Variants in MS4A4E observed in about 807,000 individuals in gnomAD.
The protein encoded by MS4A4E is putative membrane-spanning 4-domains subfamily A member 4E.
A neutral mutation model predicts 13.3 loss-of-function variants in MS4A4E; 23 were observed. That is an observed-to-expected ratio of 1.73 (90% confidence interval 1.25 to 2.45). The LOEUF is 2.45. MS4A4E is among the 30% of genes most tolerant of loss of function. The pLI is 0.00. For synonymous variants in MS4A4E, 36 were observed against 45.6 expected (o/e 0.79, Z 0.85); for missense variants, 144 against 131.2 (o/e 1.10, Z -0.48).
At chr11:60,206,456 A>C (rs7939882) in intron 6 of MS4A4E, among the ~76,000 whole-genome samples, 45,549 of 109,266 alleles carry the variant, frequency 0.42, 9,392 homozygotes, top group South Asian at 0.6. Flanking sequence ...CAAAATTTTG[A>C]ATATATACAC....
intron 3 of MS4A4E, among the ~76,000 whole-genome samples, chr11:60,219,831 A>T (rs1247341384): frequency 6.6e-6 from 1 of 152,214 alleles, no homozygotes; most frequent in African/African-American, 2.4e-5. Flanking sequence ...CCAAAAAGTC[A>T]TTGTGATCCT....
intron 6 of MS4A4E, among the ~76,000 whole-genome samples, chr11:60,207,245 G>C (rs1022750887): frequency 6.6e-6 from 1 of 152,146 alleles, no homozygotes; most frequent in Non-Finnish European, 1.5e-5. Flanking sequence ...GGACCAGGAA[G>C]AGATAGAGAT....
chr11:60,205,401 T>C (rs1478225385), intron 7 of MS4A4E, among the ~76,000 whole-genome samples: 3 of 152,204 alleles, frequency 2.0e-5, no homozygotes, highest in Non-Finnish European at 2.9e-5. Flanking sequence ...GTAGATACTT[T>C]ACAAATATAT....
chr11:60,204,617 A>G (rs1186384258), intron 8 of MS4A4E, among the ~76,000 whole-genome samples: 1 of 152,190 alleles, frequency 6.6e-6, no homozygotes, highest in Non-Finnish European at 1.5e-5. Flanking sequence ...CCATCATGCT[A>G]CTATATGAAC....
intron 3 of MS4A4E, among the ~76,000 whole-genome samples, chr11:60,220,515 A>C (rs1057289023): frequency 2.0e-5 from 3 of 152,178 alleles, no homozygotes; most frequent in Non-Finnish European, 4.4e-5. Flanking sequence ...TTGTTCAGGG[A>C]GATCTTGATC....
chr11:60,208,117 G>A (rs950509148), intron 6 of MS4A4E, among the ~76,000 whole-genome samples: 1 of 152,170 alleles, frequency 6.6e-6, no homozygotes, highest in African/African-American at 2.4e-5. Flanking sequence ...GACCCCTTGT[G>A]ATTCCCTTCT....
chr11:60,242,688 TA>T (rs1041232553), intron 1 of MS4A4E, among the ~76,000 whole-genome samples: 5 of 152,220 alleles, frequency 3.3e-5, no homozygotes, highest in Admixed American at 6.5e-5. Context: ...CAAAAGTAAC[TA>T]AAACAACTTC....
At chr11:60,208,492 T>C (rs550152810) in intron 6 of MS4A4E, 101 bp downstream of exon 6, 38 of 353,780 alleles carry the variant, frequency 1.1e-4, no homozygotes, top group African/African-American at 7.9e-4. Flanking sequence ...GAAACTGAAA[T>C]ATAATGAATG....
intron 1 of MS4A4E, among the ~76,000 whole-genome samples, chr11:60,232,463 A>G (rs1051274143): frequency 2.0e-5 from 3 of 152,226 alleles, no homozygotes; most frequent in African/African-American, 7.2e-5. Context: ...CCTTTCTTCC[A>G]TCACCCCTTC....
intron 3 of MS4A4E, among the ~76,000 whole-genome samples, chr11:60,218,383 G>A (rs1428489801): frequency 6.6e-6 from 1 of 152,136 alleles, no homozygotes; most frequent in African/African-American, 2.4e-5. Context: ...CTTGATGTCT[G>A]TGACCCACAC....
intron 3 of MS4A4E, among the ~76,000 whole-genome samples, chr11:60,219,528 C>T (rs982893090): frequency 1.3e-5 from 2 of 152,092 alleles, no homozygotes; most frequent in African/African-American, 4.8e-5. Context: ...GTCGAGTGGA[C>T]AAAACACTAA....
chr11:60,236,791 C>A (rs1352580189), intron 1 of MS4A4E, among the ~76,000 whole-genome samples: 1 of 151,442 alleles, frequency 6.6e-6, no homozygotes, highest in Non-Finnish European at 1.5e-5. Context: ...GGCTGGAGTG[C>A]AGTGGTGTGA....
In MS4A4E at chr11:60,200,457, C is replaced by T. The variant is rs1220802247; in HGVS notation, c.*1086G>A. ...CTGCGGCCTTCCGAGGTGTTTGTGT[C>T]CCTGGGTACTTGAGATTAGGGAGTG... On this transcript the variant is annotated 3_prime_UTR_variant, in exon 9 of 9. Transcript: ENST00000651255. 1.3e-5 allele frequency among the ~76,000 whole-genome samples: 2 copies of T among 152,040 alleles called. No homozygotes were observed. Among genetic ancestry groups the T allele is most frequent in the African/African-American group, 2.4e-5 (1 of 41,382 alleles).
rs1327119788 is a variant in MS4A4E at position 60,200,676 on chromosome 11, T to G, written c.*867A>C. On this transcript the variant is annotated 3_prime_UTR_variant, in exon 9 of 9. Coordinates refer to ENST00000651255, the MANE Select transcript of MS4A4E (RefSeq NM_001393391.1). ...TTAGTACAGAACAAAATGAAAAGTC[T>G]CCCATGTCTACTTCTTTCCACACAG... Among the ~76,000 whole-genome samples, 2 of 152,194 alleles carry G rather than the reference T, an allele frequency of 1.3e-5. No individual in the cohort carries two copies. Among genetic ancestry groups the G allele is most frequent in the Non-Finnish European group, 2.9e-5 (2 of 68,036 alleles).
chr11:60,208,245 T>C (rs2084072751), intron 6 of MS4A4E, among the ~76,000 whole-genome samples: 1 of 152,216 alleles, frequency 6.6e-6, no homozygotes, highest in Non-Finnish European at 1.5e-5. Flanking sequence ...CACCTCTTCA[T>C]GTGAATGCTT....
Position 60,201,565 on chromosome 11 carries a change from G to T in MS4A4E, c.974C>A (p.Ser325Tyr), listed in dbSNP as rs1395954252. Residue 325 changes from serine (S) to tyrosine (Y), a missense_variant, in exon 9 of 9, where the codon TCC becomes TAC. Transcript: ENST00000651255. ...HHPIWEVRSV[S>Y]ARPPIF ...ATCTCAGAAGATGGGCGGCCGGGCG[G>T]AGACACTCCTCACCTCCCAGATGGG... The T allele has an allele frequency of 3.1e-6, 1 of 322,174 alleles. No homozygotes were observed. The highest frequency in any genetic ancestry group is 2.2e-5 in the South Asian group (1 of 45,440). 20.0% of individuals were successfully genotyped at this position (322,174 alleles called of 1,614,324 possible). A position where few individuals can be genotyped will look rare whatever the true frequency, so the allele number is the denominator to read the frequency against.
intron 3 of MS4A4E, among the ~76,000 whole-genome samples, chr11:60,226,500 G>A (rs779101747): frequency 1.8e-4 from 28 of 152,114 alleles, no homozygotes; most frequent in Non-Finnish European, 3.7e-4. Context: ...ATCAATGAAT[G>A]TAACTAATGA....
intron 1 of MS4A4E, among the ~76,000 whole-genome samples, chr11:60,231,079 A>T (rs1278238322): frequency 6.6e-6 from 1 of 152,200 alleles, no homozygotes; most frequent in Non-Finnish European, 1.5e-5. Flanking sequence ...TCTCTGATAG[A>T]TCAATGAAAA....
chr11:60,224,891 T>G (rs141414121), intron 3 of MS4A4E: 30 of 1,239,012 alleles, frequency 2.4e-5, no homozygotes, highest in Non-Finnish European at 3.0e-5. Context: ...AGAATTAGAA[T>G]AAAATTGCAA....
Sources: allele counts gnomAD v4.1 joint callset (sites outside exome capture counted in the v4.1 genomes callset), GRCh38; gene constraint gnomAD v4.1.1; transcripts MANE v1.5; gene names NCBI Gene and HGNC (gene_info 2026-07-23, HGNC 2026-07-21).